GUCY1A2: variants seen among roughly 807,000 people sequenced by gnomAD.
The protein encoded by GUCY1A2 is guanylate cyclase 1 soluble subunit alpha 2, also known as guanylate cyclase soluble subunit alpha-2.
In GUCY1A2, 27 loss-of-function variants were observed where a neutral mutation model predicts 63.5. That is an observed-to-expected ratio of 0.43 (90% confidence interval 0.31 to 0.59). The LOEUF (loss-of-function observed/expected upper bound fraction) is 0.59. Ranked by LOEUF, GUCY1A2 falls within the 20% of genes least tolerant of loss-of-function variation. The probability of loss-of-function intolerance (pLI) is 0.11; values close to 1 mark genes in which losing one functional copy is unlikely to be tolerated. For missense variants in GUCY1A2, 768 were observed against 913.3 expected (o/e 0.84, Z 2.05); for synonymous variants, 364 against 343.5 (o/e 1.06, Z -0.66).
At chr11:106,952,297 G>A (rs1860920638) in intron 3 of GUCY1A2, among the ~76,000 whole-genome samples, 1 of 152,172 alleles carries the variant, frequency 6.6e-6, no homozygotes, top group African/African-American at 2.4e-5. Flanking sequence ...AGTTTGATGT[G>A]AATAGCATTG....
intron 4 of GUCY1A2, among the ~76,000 whole-genome samples, chr11:106,879,419 G>T (rs1859794278): frequency 6.6e-6 from 1 of 152,064 alleles, no homozygotes; most frequent in Non-Finnish European, 1.5e-5. Flanking sequence ...AGTCAAGAAA[G>T]AAAAGCTTTA....
intron 6 of GUCY1A2, among the ~76,000 whole-genome samples, chr11:106,713,570 G>C (rs1434746341): frequency 7.6e-6 from 1 of 131,764 alleles, no homozygotes; most frequent in African/African-American, 3.0e-5. Context: ...GCAGTGGCGC[G>C]ATCTCAGCTC....
chr11:106,926,890 T>C (rs950821727), intron 4 of GUCY1A2, among the ~76,000 whole-genome samples: 1 of 151,308 alleles, frequency 6.6e-6, no homozygotes, highest in African/African-American at 2.4e-5. Flanking sequence ...CACAATAATC[T>C]TTTTTCTCTA....
intron 4 of GUCY1A2, among the ~76,000 whole-genome samples, chr11:106,864,149 G>T (rs10789548): frequency 0.28 from 43,090 of 151,518 alleles, 6,487 homozygotes; most frequent in Non-Finnish European, 0.33. Flanking sequence ...AAACACCATG[G>T]CACGTGTATA....
chr11:106,920,525 G>T (rs772996051), intron 4 of GUCY1A2, among the ~76,000 whole-genome samples: 1 of 151,992 alleles, frequency 6.6e-6, no homozygotes, highest in Non-Finnish European at 1.5e-5. Flanking sequence ...ATTAAGCATT[G>T]AAAGTGTAAA....
intron 4 of GUCY1A2, among the ~76,000 whole-genome samples, chr11:106,934,734 A>C (rs1383369328): frequency 1.3e-5 from 2 of 152,200 alleles, no homozygotes; most frequent in Non-Finnish European, 2.9e-5. Context: ...CTGAGAACAA[A>C]AGTGAAGATG....
chr11:106,709,090 GTTTAT>G (rs1862974480), intron 6 of GUCY1A2, among the ~76,000 whole-genome samples: 1 of 135,198 alleles, frequency 7.4e-6, no homozygotes, highest in Non-Finnish European at 1.6e-5. Flanking sequence ...TTATATTTCT[GTTTAT>G]TTTGTTTAAA....
chr11:106,702,700 TG>T (rs1862837371), intron 7 of GUCY1A2, among the ~76,000 whole-genome samples: 1 of 140,452 alleles, frequency 7.1e-6, no homozygotes. Context: ...ATAATTTATA[TG>T]GTTTTTTTTT....
intron 4 of GUCY1A2, among the ~76,000 whole-genome samples, chr11:106,908,378 T>C (rs571046713): frequency 1.9e-4 from 29 of 151,942 alleles, no homozygotes; most frequent in Non-Finnish European, 1.6e-4. Context: ...GAGATCTTTA[T>C]ATAACTAAAT....
At chr11:106,927,665 C>A (rs544010606) in intron 4 of GUCY1A2, among the ~76,000 whole-genome samples, 1 of 151,454 alleles carries the variant, frequency 6.6e-6, no homozygotes, top group African/African-American at 2.4e-5. Flanking sequence ...TCCGGGTTCA[C>A]GCCATTCTCC....
chr11:106,727,581 A>C, intron 6 of GUCY1A2, among the ~76,000 whole-genome samples: 1 of 152,188 alleles, frequency 6.6e-6, no homozygotes, highest in East Asian at 1.9e-4. Context: ...CACATTTTTC[A>C]AGGACTCCTT....
chr11:106,885,881 C>A (rs541704257), intron 4 of GUCY1A2, among the ~76,000 whole-genome samples: 1 of 152,092 alleles, frequency 6.6e-6, no homozygotes, highest in Non-Finnish European at 1.5e-5. Flanking sequence ...ACAAAATGTG[C>A]GTTGATTGTA....
intron 4 of GUCY1A2, among the ~76,000 whole-genome samples, chr11:106,922,610 G>T (rs899137360): frequency 1.5e-5 from 2 of 134,504 alleles, no homozygotes; most frequent in Admixed American, 7.5e-5. Flanking sequence ...TATTCAAATT[G>T]TCCTTATTAT....
At chr11:107,014,480 C>T (rs1861792788) in intron 1 of GUCY1A2, among the ~76,000 whole-genome samples, 1 of 152,094 alleles carries the variant, frequency 6.6e-6, no homozygotes. Context: ...ATGTAAGTTT[C>T]TCATTGTTCA....
intron 4 of GUCY1A2, among the ~76,000 whole-genome samples, chr11:106,938,934 C>CAGAAA (rs1860714510): frequency 6.6e-6 from 1 of 152,118 alleles, no homozygotes; most frequent in African/African-American, 2.4e-5. Flanking sequence ...AAAATTTAAA[C>CAGAAA]AGAAGTCTCG....
chr11:106,973,401 A>G (rs188486955), intron 3 of GUCY1A2, among the ~76,000 whole-genome samples: 2 of 152,240 alleles, frequency 1.3e-5, no homozygotes, highest in Non-Finnish European at 2.9e-5. Flanking sequence ...TTCAACACCT[A>G]AAATCTAAAG....
intron 2 of GUCY1A2, among the ~76,000 whole-genome samples, chr11:106,981,552 T>C (rs1017476009): frequency 6.6e-6 from 1 of 151,964 alleles, no homozygotes; most frequent in Non-Finnish European, 1.5e-5. Flanking sequence ...GTTTAAAATA[T>C]ATAGTGAGTG....
chr11:106,803,232 T>G (rs1051660396), intron 5 of GUCY1A2, among the ~76,000 whole-genome samples: 1 of 152,194 alleles, frequency 6.6e-6, no homozygotes, highest in African/African-American at 2.4e-5. Context: ...CACGAGTCAT[T>G]CTGGCTTTCA....
At chr11:106,697,476 G>T (rs1862740259) in intron 7 of GUCY1A2, among the ~76,000 whole-genome samples, 1 of 152,096 alleles carries the variant, frequency 6.6e-6, no homozygotes, top group Non-Finnish European at 1.5e-5. Context: ...TACAATTCAT[G>T]ATCAGCTTTT....
Sources: gnomAD v4.1 joint callset for allele counts (sites outside exome capture counted in the v4.1 genomes callset) on GRCh38, gnomAD v4.1.1 for gene constraint, MANE v1.5 for transcripts, NCBI Gene and HGNC (gene_info 2026-07-23, HGNC 2026-07-21) for gene names.